The following CYP3A5 variants were observed in gnomAD, a reference collection of about 807,000 sequenced individuals.
CYP3A5 encodes cytochrome P450 family 3 subfamily A member 5.
A neutral mutation model predicts 55.9 loss-of-function variants in CYP3A5; 51 were observed. That is an observed-to-expected ratio of 0.91 (90% CI 0.73 to 1.15). The LOEUF (loss-of-function observed/expected upper bound fraction) is 1.15, where lower values mean the gene tolerates loss of function less well. CYP3A5 is among the 50% of genes most tolerant of loss of function. CYP3A5 has a pLI of 0.00. For missense variants in CYP3A5, 533 were observed against 596.6 expected (o/e 0.89, Z 1.11); for synonymous variants, 196 against 213.9 (o/e 0.92, Z 0.73).
At chr7:99,652,036 A>G (rs1211813127) in intron 11 of CYP3A5, among the ~76,000 whole-genome samples, 1 of 152,210 alleles carries the variant, frequency 6.6e-6, no homozygotes, top group African/African-American at 2.4e-5. Flanking sequence ...ATGTGGAAGC[A>G]TGTTTTAAAG....
At chr7:99,673,676 A>T (rs2151448800) in intron 3 of CYP3A5, among the ~76,000 whole-genome samples, 1 of 152,352 alleles carries the variant, frequency 6.6e-6, no homozygotes, top group Non-Finnish European at 1.5e-5. Context: ...TTCAGTCTAA[A>T]TGAAGGAGTT....
intron 8 of CYP3A5, chr7:99,663,641 A>G (rs925937334): frequency 9.9e-7 from 1 of 1,011,462 alleles, no homozygotes; most frequent in Middle Eastern, 4.9e-4. Context: ...AAAGCACAAT[A>G]CCAGTAAAAT....
intron 2 of CYP3A5, among the ~76,000 whole-genome samples, chr7:99,675,230 G>A (rs1584473542): frequency 6.6e-6 from 1 of 152,198 alleles, no homozygotes; most frequent in Non-Finnish European, 1.5e-5. Context: ...ATTACAATGC[G>A]TGCTCTGAGC....
At position 99,664,339 on chromosome 7, in the gene CYP3A5, G is replaced by A. The variant is rs28365082; in HGVS notation, c.671-244C>T. On this transcript the variant is annotated intron_variant, in intron 7 of 12. Transcript: ENST00000222982. Reference sequence around the variant, plus strand: ...CTTCTGAGTCTTTGGAGTGACCAAAGTAATAGAATTAAATTCCCTGACCTC... The same window carrying A: ...CTTCTGAGTCTTTGGAGTGACCAAAATAATAGAATTAAATTCCCTGACCTC... Among the ~76,000 whole-genome samples the A allele has an allele frequency of 6.6e-3, 1,011 of 152,324 alleles. 5 individuals carry two copies. Among genetic ancestry groups the A allele is most frequent in the Middle Eastern group, 0.054 (16 of 294 alleles).
intron 3 of CYP3A5, among the ~76,000 whole-genome samples, chr7:99,673,325 T>A (rs563200642): frequency 6.6e-6 from 1 of 152,286 alleles, no homozygotes; most frequent in African/African-American, 2.4e-5. Flanking sequence ...AACACACCAC[T>A]GCACCTCATC....
chr7:99,650,129 G>C lies in CYP3A5; in HGVS notation c.1357C>G (p.Leu453Val), dbSNP rs773725491. Residue 453 changes from leucine (L) to valine (V), a missense_variant, in exon 12 of 13, where the codon CTT becomes GTT. Leu to Val is a conservative substitution (Grantham distance 32, BLOSUM62 1). Coordinates refer to ENST00000222982, the MANE Select transcript of CYP3A5 (RefSeq NM_000777.5). ...TTCTGAAGGACTCTGATTAGAGCAA[G>C]TTTCATGTTCATGAGAGCAAACCTC... ...GMRFALMNMK[L>V]ALIRVLQNFS... 2 of 1,614,144 alleles carry C rather than the reference G, an allele frequency of 1.2e-6. No homozygotes were observed. Among genetic ancestry groups the C allele is most frequent in the South Asian group, 2.2e-5 (2 of 91,080 alleles).
intron 8 of CYP3A5, 62 bp downstream of exon 8, chr7:99,663,906 G>A: frequency 6.5e-7 from 1 of 1,527,334 alleles, no homozygotes; most frequent in Non-Finnish European, 8.7e-7. Context: ...GCTCTATCAT[G>A]TGTATAAAAT....
At chr7:99,672,933 T>C in intron 3 of CYP3A5, 1 of 1,268,970 alleles carries the variant, frequency 7.9e-7, no homozygotes, top group Non-Finnish European at 1.0e-6. Context: ...ACAAAAGAGC[T>C]CTTTAAAGAG....
intron 1 of CYP3A5, among the ~76,000 whole-genome samples, chr7:99,678,277 C>T (rs896336506): frequency 2.0e-5 from 3 of 152,196 alleles, no homozygotes; most frequent in Admixed American, 6.5e-5. Context: ...TTTGAGTGAC[C>T]TCCACGGTGG....
At chr7:99,652,309 G>A (rs550204914) in intron 11 of CYP3A5, 39 of 306,366 alleles carry the variant, frequency 1.3e-4, no homozygotes, top group East Asian at 1.1e-4. Flanking sequence ...CTATATAGGC[G>A]TAGAAAAATG....
rs186055313 is a variant in CYP3A5, at chr7:99,669,599, G to A, written c.319-2534C>T. ...GAAATTGGGAAATCTATTGAAAGAC[G>A]TTTGGAGAGTAAAACTGCTAATTTA... On this transcript the variant is annotated intron_variant, in intron 4 of 12. Coordinates refer to ENST00000222982, the MANE Select transcript of CYP3A5 (RefSeq NM_000777.5). Among the ~76,000 whole-genome samples the A allele has an allele frequency of 6.8e-4, 104 of 152,274 alleles. No homozygotes were observed. In the East Asian group the frequency reaches 0.011, roughly 16 times the overall value.
At chr7:99,671,926 C>T (rs941113544) in intron 4 of CYP3A5, 9 of 691,338 alleles carry the variant, frequency 1.3e-5, no homozygotes, top group African/African-American at 1.2e-4. Flanking sequence ...CATAAACACA[C>T]ACAAACAAGG....
Position 99,664,049 on chromosome 7 carries a change from A to G in CYP3A5, c.717T>C (p.Ser239=), listed in dbSNP as rs1810719373. 6.3e-7 allele frequency: 1 copy of G among 1,599,342 alleles called. No homozygotes were observed. Among genetic ancestry groups the G allele is most frequent in the African/African-American group, 1.4e-5 (1 of 73,912 alleles). The part of the protein sequence containing the change: ...LTPVFEALNV[S]LFPKDTINFL... ...AATTTATGGTATCTTTTGGAAACAGAGAGACATTTAATGCTTCAAAAACTG... is the reference window on the plus strand; with the variant it reads ...AATTTATGGTATCTTTTGGAAACAGGGAGACATTTAATGCTTCAAAAACTG... Residue 239 remains serine (S), a synonymous_variant, in exon 8 of 13, where the codon TCT becomes TCC. Coordinates refer to ENST00000222982, the MANE Select transcript of CYP3A5 (RefSeq NM_000777.5).
chr7:99,654,135 G>A (rs1424385861), intron 10 of CYP3A5, among the ~76,000 whole-genome samples: 1 of 151,994 alleles, frequency 6.6e-6, no homozygotes, highest in Admixed American at 6.5e-5. Context: ...CAACGTGCAG[G>A]TTTGTTACAT....
At chr7:99,665,598 A>G (rs1007294726) in intron 6 of CYP3A5, among the ~76,000 whole-genome samples, 1 of 152,224 alleles carries the variant, frequency 6.6e-6, no homozygotes, top group African/African-American at 2.4e-5. Flanking sequence ...ATTATCAGAC[A>G]ACTACAGTAG....
intron 4 of CYP3A5, among the ~76,000 whole-genome samples, chr7:99,669,230 C>T (rs146529051): frequency 3.3e-5 from 5 of 152,246 alleles, no homozygotes; most frequent in South Asian, 2.1e-4. Flanking sequence ...TTAATTTCCA[C>T]GGAATTTGTG....
At chr7:99,676,694 T>C in intron 1 of CYP3A5, 1 of 566,028 alleles carries the variant, frequency 1.8e-6, no homozygotes, top group Non-Finnish European at 3.2e-6. Context: ...GCCCTTACAA[T>C]TTGCTCAGAA....
In CYP3A5 at chr7:99,665,149, A is replaced by G. The variant is rs1325872745; in HGVS notation, c.670+17T>C. On this transcript the variant is annotated intron_variant, in intron 7 of 12. Transcript: ENST00000222982. Reference sequence around the variant, plus strand: ...AGTTATTTTTAAAAAGAGAGAAAGAAATAATAGCCCACATACTTATTGAGA... The same window carrying G: ...AGTTATTTTTAAAAAGAGAGAAAGAGATAATAGCCCACATACTTATTGAGA... 11 of 1,569,010 alleles carry G rather than the reference A, an allele frequency of 7.0e-6. No individual in the cohort carries two copies. The highest frequency in any genetic ancestry group is 8.7e-6 in the Non-Finnish European group (10 of 1,154,176).
chr7:99,669,483 G>A (rs1421426309), intron 4 of CYP3A5, among the ~76,000 whole-genome samples: 2 of 152,218 alleles, frequency 1.3e-5, no homozygotes, highest in African/African-American at 4.8e-5. Context: ...ATTAAGCAAT[G>A]TCTGGAAGAT....
Sources: gnomAD v4.1 joint callset for allele counts (sites outside exome capture counted in the v4.1 genomes callset) on GRCh38, gnomAD v4.1.1 for gene constraint, MANE v1.5 for transcripts, NCBI Gene and HGNC (gene_info 2026-07-23, HGNC 2026-07-21) for gene names.